The following ACOT11 variants were observed in gnomAD, a reference collection of about 807,000 sequenced individuals.
ACOT11 encodes acyl-coenzyme A thioesterase 11.
A neutral mutation model predicts 77.5 loss-of-function variants in ACOT11; 69 were observed. The observed-to-expected ratio is 0.89, with a 90% CI of 0.73 to 1.09. The LOEUF is 1.09. Among genes scored for constraint, ACOT11 ranks in the 50% least tolerant of loss-of-function variants. The pLI, the probability that ACOT11 is intolerant of heterozygous loss-of-function variation, is 0.00. For missense variants in ACOT11, 766 were observed against 813.7 expected, an observed-to-expected ratio of 0.94 and a Z score of 0.71; for synonymous variants, 279 against 313.0, an observed-to-expected ratio of 0.89 and a Z score of 1.15.
intron 15 of ACOT11, chr1:54,616,140 C>T: frequency 6.2e-7 from 1 of 1,614,212 alleles, no homozygotes; most frequent in Non-Finnish European, 8.5e-7. Flanking sequence ...AGCCCTTCTA[C>T]ATTGACGTCA....
intron 1 of ACOT11, among the ~76,000 whole-genome samples, chr1:54,569,894 T>C (rs1653875686): frequency 6.6e-6 from 1 of 152,232 alleles, no homozygotes; most frequent in Non-Finnish European, 1.5e-5. Flanking sequence ...CAGGTGTCTC[T>C]TCAGGTAAGC....
rs1034036808 is a variant in ACOT11, at chr1:54,616,247, A to G, written c.1629+8179A>G. ...ACTTCTTTCTCATCATAAAAGCATTACAAATTACAGAACATTTGAGAAATA... is the reference window on the plus strand; with the variant it reads ...ACTTCTTTCTCATCATAAAAGCATTGCAAATTACAGAACATTTGAGAAATA... On this transcript the variant is annotated intron_variant, in intron 15 of 16. Coordinates refer to the ACOT11 transcript ENST00000371316. The G allele has an allele frequency of 4.6e-6, 6 of 1,297,708 alleles. No individual in the cohort carries two copies. In the African/African-American group the frequency reaches 7.4e-5, roughly 16 times the overall value. 80.4% of individuals were successfully genotyped at this position (1,297,708 alleles called of 1,614,324 possible).
At chr1:54,583,173 C>T (rs920735886) in intron 1 of ACOT11, among the ~76,000 whole-genome samples, 1 of 152,146 alleles carries the variant, frequency 6.6e-6, no homozygotes, top group African/African-American at 2.4e-5. Context: ...TGCAGGCCTC[C>T]ACCCTGGCTG....
chr1:54,594,341 A>G (rs1018195847), intron 5 of ACOT11, among the ~76,000 whole-genome samples: 5 of 152,238 alleles, frequency 3.3e-5, no homozygotes, highest in African/African-American at 1.2e-4. Flanking sequence ...CCTTTGGCCA[A>G]GGAAGGGACC....
downstream of ACOT11, chr1:54,611,516 T>C: frequency 2.2e-6 from 3 of 1,363,820 alleles, no homozygotes; most frequent in Non-Finnish European, 3.1e-6. Flanking sequence ...CCTTCTGATA[T>C]CCCTTCCACC....
At chr1:54,602,815 CT>C in intron 10 of ACOT11, 91 bp downstream of exon 10, 2 of 1,347,120 alleles carry the variant, frequency 1.5e-6, no homozygotes, top group South Asian at 1.7e-5. Flanking sequence ...TCAGAGCTGC[CT>C]GTGCGTTGGG....
intron 9 of ACOT11, 152 bp downstream of exon 9, chr1:54,601,565 C>T: frequency 8.0e-7 from 1 of 1,243,060 alleles, no homozygotes; most frequent in South Asian, 1.5e-5. Flanking sequence ...AGTGTCCTGG[C>T]TGTGAGCCCT....
chr1:54,610,244 A>C lies in ACOT11; in HGVS notation c.*1132A>C. 1.4e-6 allele frequency: 2 copies of C among 1,449,700 alleles called. No individual in the cohort carries two copies. The highest frequency in any genetic ancestry group is 1.8e-6 in the Non-Finnish European group (2 of 1,107,620). The allele number at this position is 1,449,700 out of a possible 1,614,324, so 89.8% of individuals were successfully genotyped here. On this transcript the variant is annotated 3_prime_UTR_variant, in exon 16 of 16. Transcript: ENST00000343744. ...AGGCCAGGAGCCCTGTGCTCTTGACATCACTGTACTCCCTCTCCCTCCCCG... is the reference window on the plus strand; with the variant it reads ...AGGCCAGGAGCCCTGTGCTCTTGACCTCACTGTACTCCCTCTCCCTCCCCG...
chr1:54,582,385 C>T lies in ACOT11; in HGVS notation c.34-2270C>T, dbSNP rs1030628847. 5 of 952,434 alleles carry T rather than the reference C, an allele frequency of 5.2e-6. No homozygotes were observed. In the African/African-American group the frequency reaches 8.8e-5, roughly 17 times the overall value. The allele number at this position is 952,434 out of a possible 1,614,324, so 59.0% of individuals were successfully genotyped here. A position where few individuals can be genotyped will look rare whatever the true frequency, so the allele number is the denominator to read the frequency against. On this transcript the variant is annotated intron_variant, in intron 1 of 15. Transcript: ENST00000343744. ...ACCTTTGACGATGTCCTCCTGTGTG[C>T]CAGGCCCCTCTAGGCCCAATTTGTC...
intron 15 of ACOT11, among the ~76,000 whole-genome samples, chr1:54,626,207 TTGCAG>T (rs1354953395): frequency 1.3e-5 from 2 of 151,280 alleles, no homozygotes; most frequent in Admixed American, 6.6e-5. Context: ...GAGGTGGAGG[TTGCAG>T]TGAGCCGAGA....
chr1:54,598,153 G>A (rs1345922893), intron 7 of ACOT11: 1 of 152,358 alleles, frequency 6.6e-6, no homozygotes, highest in African/African-American at 2.4e-5. Context: ...GTGGGAGACA[G>A]TGCATAAGCA....
downstream of ACOT11, chr1:54,611,014 T>A (rs944173584): frequency 1.0e-6 from 1 of 985,204 alleles, no homozygotes; most frequent in South Asian, 4.7e-5. Context: ...AGGGAAATAA[T>A]GGGGGGTTTG....
chr1:54,620,458 C>A (rs1463092748), intron 15 of ACOT11, among the ~76,000 whole-genome samples: 1 of 152,230 alleles, frequency 6.6e-6, no homozygotes, highest in African/African-American at 2.4e-5. Context: ...GTAATCCCAG[C>A]ACTTTGGGAG....
chr1:54,609,022 C>T lies in ACOT11; in HGVS notation c.1695C>T (p.Leu565=). 1 of 1,610,848 alleles carries T rather than the reference C, an allele frequency of 6.2e-7. No individual in the cohort carries two copies. The highest frequency in any genetic ancestry group is 8.5e-7 in the Non-Finnish European group (1 of 1,178,828). ...LNYVTTNVAG[L]SSEFYTTFKA... ...ATGTGACCACCAACGTGGCCGGCCTCTCCTCTGAGTTCTACACCACCTTCA... is the reference window on the plus strand; with the variant it reads ...ATGTGACCACCAACGTGGCCGGCCTTTCCTCTGAGTTCTACACCACCTTCA... Residue 565 remains leucine, a synonymous_variant, in exon 16 of 16, where the codon CTC becomes CTT. Coordinates refer to ENST00000343744, the MANE Select transcript of ACOT11 (RefSeq NM_147161.4).
At chr1:54,548,841 C>T (rs1423155754) in intron 1 of ACOT11, among the ~76,000 whole-genome samples, 1 of 152,164 alleles carries the variant, frequency 6.6e-6, no homozygotes, top group Non-Finnish European at 1.5e-5. Context: ...CACAGGATCA[C>T]ATGACGGCTG....
intron 9 of ACOT11, 123 bp from the exon 10 acceptor site, chr1:54,602,546 G>A: frequency 1.1e-6 from 1 of 922,756 alleles, no homozygotes. Context: ...TTTGATTCCA[G>A]CTGCCCCAGC....
chr1:54,622,335 C>T (rs900356567), intron 15 of ACOT11, among the ~76,000 whole-genome samples: 9 of 140,612 alleles, frequency 6.4e-5, no homozygotes, highest in Non-Finnish European at 1.4e-4. Flanking sequence ...AATCCCAGAA[C>T]TTTGGGAGGC....
chr1:54,584,910 G>A lies in ACOT11; in HGVS notation c.241+48G>A, dbSNP rs560377583. On this transcript the variant is annotated intron_variant, in intron 2 of 15. Transcript: ENST00000343744. This position sits in a 1 kb window ranked among gnomAD's most constrained non-coding sequence, Gnocchi z 6.3. Reference sequence around the variant, plus strand: ...TCCCTACCTGCCCCACAGGCCCAGAGCAGGGGCCGTGCTTTCAGAGATGGT... The same window carrying A: ...TCCCTACCTGCCCCACAGGCCCAGAACAGGGGCCGTGCTTTCAGAGATGGT... 3 of 1,553,878 alleles carry A rather than the reference G, an allele frequency of 1.9e-6. No homozygotes were observed. The highest frequency in any genetic ancestry group is 2.3e-5 in the South Asian group (2 of 85,850).
rs146513780 is a variant in ACOT11, at chr1:54,597,292, C to T, written c.641C>T (p.Pro214Leu). 172 of 1,613,610 alleles carry T rather than the reference C, an allele frequency of 1.1e-4. No homozygotes were observed. The highest frequency in any genetic ancestry group is 5.5e-4 in the Admixed American group (33 of 60,022). The change falls in exon 7 of 16, where the codon CCG becomes CTG. Residue 214 changes from proline (P) to leucine (L), a missense_variant. Transcript: ENST00000343744. The stretch of plus-strand genomic sequence containing the variant: ...AGCAGAGACTGTAGCCGCATGGTGC[C>T]GGCTGAGAAGACCCGTGTGGAGAGT... The part of the protein sequence containing the change: ...LESRDCSRMV[P>L]AEKTRVESVE...
Sources: allele counts gnomAD v4.1 joint callset (sites outside exome capture counted in the v4.1 genomes callset), GRCh38; gene constraint gnomAD v4.1.1; non-coding constraint Gnocchi (gnomAD v3.1); transcripts MANE v1.5; gene names NCBI Gene and HGNC (gene_info 2026-07-23, HGNC 2026-07-21).